Variants in ENKUR observed in about 807,000 individuals in gnomAD.
The protein encoded by ENKUR is enkurin.
Under a neutral mutation model 27.6 loss-of-function variants are expected in ENKUR, and 19 were observed. The ratio of observed to expected loss-of-function variants is 0.69; its 90% confidence interval spans 0.48 to 1.01. The LOEUF is 1.01. Ranked by LOEUF, ENKUR falls within the 50% of genes least tolerant of loss-of-function variation. ENKUR has a pLI of 0.00. For synonymous variants in ENKUR, 117 were observed against 96.9 expected, an observed-to-expected ratio of 1.21 and a Z score of -1.22; for missense variants, 312 against 310.5, an observed-to-expected ratio of 1.00 and a Z score of -0.04.
chr10:25,004,277 C>A (rs1850261281), intron 1 of ENKUR, among the ~76,000 whole-genome samples: 1 of 152,076 alleles, frequency 6.6e-6, no homozygotes, highest in African/African-American at 2.4e-5. Context: ...ATTTCTATTC[C>A]TTTGGGTATA....
At chr10:25,012,388 C>T (rs1015149178) in intron 1 of ENKUR, among the ~76,000 whole-genome samples, 1 of 152,180 alleles carries the variant, frequency 6.6e-6, no homozygotes, top group East Asian at 1.9e-4. Flanking sequence ...CCACTGAGAG[C>T]ATGCACCATG....
chr10:25,035,310 G>T (rs1172098049), intron 2 of ENKUR, among the ~76,000 whole-genome samples: 1 of 152,126 alleles, frequency 6.6e-6, no homozygotes, highest in African/African-American at 2.4e-5. Context: ...ATTCCAGTAC[G>T]TGGGGAGACT....
At chr10:24,995,541 T>C in intron 3 of ENKUR, 105 bp downstream of exon 3, 1 of 1,001,258 alleles carries the variant, frequency 1.0e-6, no homozygotes, top group Non-Finnish European at 1.5e-6. Context: ...AAGTAGACAA[T>C]GTGTCCAATG....
chr10:25,055,775 T>C (rs1851249873), intron 2 of ENKUR, among the ~76,000 whole-genome samples: 1 of 152,188 alleles, frequency 6.6e-6, no homozygotes, highest in Non-Finnish European at 1.5e-5. Flanking sequence ...ACACTTTTAC[T>C]GAAGACCCTC....
intron 2 of ENKUR, among the ~76,000 whole-genome samples, chr10:25,027,851 AAAAT>A (rs1001333748): frequency 4.9e-4 from 75 of 152,312 alleles, no homozygotes; most frequent in African/African-American, 1.8e-3. Context: ...CTGTCTCAAA[AAAAT>A]AAATAAAAAT....
chr10:25,019,976 G>A (rs1053588652), upstream of ENKUR, among the ~76,000 whole-genome samples: 5 of 152,176 alleles, frequency 3.3e-5, no homozygotes, highest in African/African-American at 1.2e-4. Context: ...GGCCATTGCA[G>A]CAGACGTTCT....
chr10:24,996,969 T>A (rs1222056080), intron 2 of ENKUR, among the ~76,000 whole-genome samples: 2 of 152,186 alleles, frequency 1.3e-5, no homozygotes, highest in Non-Finnish European at 2.9e-5. Flanking sequence ...AAGAGGAAAT[T>A]TGAACACAGA....
intron 2 of ENKUR, among the ~76,000 whole-genome samples, chr10:25,027,936 A>G (rs1850888160): frequency 6.6e-6 from 1 of 152,198 alleles, no homozygotes; most frequent in African/African-American, 2.4e-5. Context: ...TCGTACAAGC[A>G]AAAGAGTTAT....
At chr10:24,990,397 T>C (rs886816342) in intron 4 of ENKUR, 66 bp downstream of exon 4, 34 of 1,539,438 alleles carry the variant, frequency 2.2e-5, no homozygotes, top group Non-Finnish European at 2.7e-5. Context: ...ATCAAAGTGA[T>C]GGTACACCTT....
chr10:25,024,913 A>G (rs545238479), intron 2 of ENKUR: 4 of 1,613,820 alleles, frequency 2.5e-6, no homozygotes, highest in African/African-American at 1.3e-5. Flanking sequence ...TTCACCGTCA[A>G]TAGATATTCT....
intron 2 of ENKUR, chr10:25,023,370 C>G (rs1850763728): frequency 1.2e-6 from 2 of 1,614,066 alleles, no homozygotes; most frequent in African/African-American, 1.3e-5. Flanking sequence ...GGTATTCAAC[C>G]CACTCTCTTG....
chr10:25,029,961 T>A (rs1347295869), intron 2 of ENKUR, among the ~76,000 whole-genome samples: 1 of 152,238 alleles, frequency 6.6e-6, no homozygotes, highest in Non-Finnish European at 1.5e-5. Flanking sequence ...CTTTTCTTTT[T>A]AAAATCAGAA....
At chr10:25,049,691 G>A (rs867532003) in intron 2 of ENKUR, among the ~76,000 whole-genome samples, 35 of 151,240 alleles carry the variant, frequency 2.3e-4, no homozygotes, top group African/African-American at 8.6e-4. Flanking sequence ...GGGAGGCCAA[G>A]GCAGGAGAAT....
chr10:25,016,912 T>G (rs908657678), upstream of ENKUR: 6 of 152,538 alleles, frequency 3.9e-5, no homozygotes, highest in Non-Finnish European at 8.8e-5. Context: ...TGCGCGCATT[T>G]TTCCTGCTGC....
chr10:25,044,418 A>G lies in ENKUR; in HGVS notation c.37+16694T>C, dbSNP rs575717549. 2.6e-5 allele frequency among the ~76,000 whole-genome samples: 4 copies of G among 152,170 alleles called. No individual in the cohort carries two copies. In the South Asian group the frequency reaches 8.3e-4, roughly 32 times the overall value. On this transcript the variant is annotated intron_variant, in intron 2 of 5. Transcript: ENST00000615958. ...TTTGTTTGTTTGTTTTTTCTTAGAGATAGCGTTTCACTCGGTCACCCAGGC... is the reference window on the plus strand; with the variant it reads ...TTTGTTTGTTTGTTTTTTCTTAGAGGTAGCGTTTCACTCGGTCACCCAGGC...
chr10:25,040,219 G>C (rs893407537), intron 2 of ENKUR, among the ~76,000 whole-genome samples: 17 of 152,108 alleles, frequency 1.1e-4, no homozygotes, highest in Non-Finnish European at 2.2e-4. Context: ...GTCAAAGCAA[G>C]CTGCAAGGCC....
intron 3 of ENKUR, among the ~76,000 whole-genome samples, chr10:24,992,841 A>G (rs12245315): frequency 0.067 from 10,203 of 152,256 alleles, 1,116 homozygotes; most frequent in African/African-American, 0.23. Context: ...CTGGGAGGCC[A>G]GTATTCTGGT....
chr10:25,002,020 G>A (rs916657906), intron 1 of ENKUR, among the ~76,000 whole-genome samples: 1 of 151,900 alleles, frequency 6.6e-6, no homozygotes, highest in African/African-American at 2.4e-5. Context: ...TTTTTTCTGG[G>A]ATTCAGTTAT....
chr10:25,030,723 T>C (rs1184504358), intron 2 of ENKUR, among the ~76,000 whole-genome samples: 1 of 152,226 alleles, frequency 6.6e-6, no homozygotes, highest in Non-Finnish European at 1.5e-5. Context: ...TTTGAATTTC[T>C]TTTTCCTATC....
Sources: gnomAD v4.1 joint callset for allele counts (sites outside exome capture counted in the v4.1 genomes callset) on GRCh38, gnomAD v4.1.1 for gene constraint, MANE v1.5 for transcripts, NCBI Gene and HGNC (gene_info 2026-07-23, HGNC 2026-07-21) for gene names.